KCNMA1: variants seen among roughly 807,000 people sequenced by gnomAD.
The protein encoded by KCNMA1 is potassium calcium-activated channel subfamily M alpha 1, also known as Calcium-activated potassium channel subunit alpha-1.
In KCNMA1, 29 loss-of-function variants were observed where a neutral mutation model predicts 140.0. The observed-to-expected ratio is 0.21, with a 90% CI of 0.15 to 0.28. KCNMA1 has a LOEUF of 0.28. KCNMA1 is among the 10% of genes least tolerant of loss of function. KCNMA1 has a pLI of 1.00. For synonymous variants in KCNMA1, 612 were observed against 611.9 expected, an observed-to-expected ratio of 1.00 and a Z score of 0.00; for missense variants, 880 against 1,602.2, an observed-to-expected ratio of 0.55 and a Z score of 7.70.
intron 1 of KCNMA1, among the ~76,000 whole-genome samples, chr10:77,426,530 G>A (rs989995568): frequency 1.3e-5 from 2 of 152,216 alleles, no homozygotes; most frequent in Non-Finnish European, 2.9e-5. Flanking sequence ...GACAGTCTGC[G>A]CTAGAGTTCG....
At chr10:77,008,274 A>G (rs2089706209) in intron 18 of KCNMA1, 1 of 1,410,090 alleles carries the variant, frequency 7.1e-7, no homozygotes, top group African/African-American at 1.4e-5. Context: ...AGATATGTCA[A>G]TGATTTGAAG....
At chr10:77,381,662 T>C (rs1391255084) in intron 2 of KCNMA1, among the ~76,000 whole-genome samples, 1 of 152,210 alleles carries the variant, frequency 6.6e-6, no homozygotes, top group Non-Finnish European at 1.5e-5. Flanking sequence ...CTACATTCCT[T>C]GGGGTTCCCA....
At chr10:77,159,190 T>C (rs2098526647) in intron 5 of KCNMA1, among the ~76,000 whole-genome samples, 1 of 152,176 alleles carries the variant, frequency 6.6e-6, no homozygotes, top group African/African-American at 2.4e-5. Context: ...AGAGCTCTAA[T>C]ACATTTTGAT....
intron 25 of KCNMA1, chr10:76,902,898 A>T (rs528025627): frequency 6.6e-6 from 1 of 152,370 alleles, no homozygotes; most frequent in South Asian, 2.1e-4. Context: ...GGGAGTTTAT[A>T]AAAAGAACCA....
At position 77,291,789 on chromosome 10, in the gene KCNMA1, G is replaced by T. The variant is rs1168774346; in HGVS notation, c.541-40533C>A. 3.3e-5 allele frequency among the ~76,000 whole-genome samples: 5 copies of T among 152,112 alleles called. No individual in the cohort carries two copies. The South Asian group carries it at 1.0e-3, about 32-fold the overall frequency. On this transcript the variant is annotated intron_variant, in intron 2 of 27. Coordinates refer to ENST00000286628, the MANE Select transcript of KCNMA1 (RefSeq NM_001161352.2). ...TCATATGTGCTGGTGCTTTACTTGG[G>T]CTGTTTATTTCATTTTTTCATGTTC...
At chr10:77,123,383 C>T (rs997928377) in intron 5 of KCNMA1, among the ~76,000 whole-genome samples, 2 of 152,020 alleles carry the variant, frequency 1.3e-5, no homozygotes, top group African/African-American at 4.8e-5. Context: ...CATAAAGTTT[C>T]CAAAGAGGTT....
intron 1 of KCNMA1, among the ~76,000 whole-genome samples, chr10:77,595,865 T>C (rs2080789543): frequency 6.6e-6 from 1 of 152,172 alleles, no homozygotes; most frequent in Admixed American, 6.5e-5. Flanking sequence ...TTGGCCAGGC[T>C]GGTCTCGAAC....
intron 1 of KCNMA1, among the ~76,000 whole-genome samples, chr10:77,487,929 A>G (rs764017843): frequency 6.6e-6 from 1 of 152,204 alleles, no homozygotes; most frequent in Non-Finnish European, 1.5e-5. Flanking sequence ...AAGGCCATCC[A>G]GGTGATGCTA....
At chr10:77,469,278 T>C (rs2098101877) in intron 1 of KCNMA1, among the ~76,000 whole-genome samples, 1 of 152,134 alleles carries the variant, frequency 6.6e-6, no homozygotes, top group African/African-American at 2.4e-5. Context: ...ATTACAGAAA[T>C]TAGAAGCCTC....
intron 1 of KCNMA1, among the ~76,000 whole-genome samples, chr10:77,511,950 C>T (rs1794510338): frequency 6.6e-6 from 1 of 152,198 alleles, no homozygotes; most frequent in South Asian, 2.1e-4. Context: ...GAGAATGGAA[C>T]TTGGGCTGAT....
intron 1 of KCNMA1, among the ~76,000 whole-genome samples, chr10:77,405,104 G>T (rs945284652): frequency 2.6e-5 from 4 of 152,122 alleles, no homozygotes; most frequent in Non-Finnish European, 5.9e-5. Context: ...CCACACAGGG[G>T]CCGAAACTGT....
chr10:77,079,390 G>GTGTA (rs1555210665), intron 13 of KCNMA1, 91 bp downstream of exon 13: 3 of 764,724 alleles, frequency 3.9e-6, no homozygotes, highest in Non-Finnish European at 7.2e-6. Flanking sequence ...GTGTGTGTGT[G>GTGTA]TGTGTGTGTG....
intron 12 of KCNMA1, among the ~76,000 whole-genome samples, chr10:77,083,957 T>G (rs1406005805): frequency 6.6e-6 from 1 of 152,140 alleles, no homozygotes; most frequent in African/African-American, 2.4e-5. Context: ...TTAAAAGCAC[T>G]GAAAAGCCTT....
At chr10:77,286,452 G>C (rs1004763302) in intron 2 of KCNMA1, among the ~76,000 whole-genome samples, 1 of 152,114 alleles carries the variant, frequency 6.6e-6, no homozygotes, top group African/African-American at 2.4e-5. Flanking sequence ...GCTGGGTCAG[G>C]CCACCACCTA....
At chr10:77,233,481 G>A (rs1469090290) in intron 3 of KCNMA1, among the ~76,000 whole-genome samples, 1 of 152,158 alleles carries the variant, frequency 6.6e-6, no homozygotes, top group Non-Finnish European at 1.5e-5. Context: ...AAACTGTAGG[G>A]AGCCAAAGGC....
chr10:77,008,772 G>A (rs1313390054), intron 18 of KCNMA1, among the ~76,000 whole-genome samples: 1 of 152,184 alleles, frequency 6.6e-6, no homozygotes, highest in Non-Finnish European at 1.5e-5. Context: ...GGACTAACAC[G>A]TTTGGACAGA....
intron 14 of KCNMA1, among the ~76,000 whole-genome samples, chr10:77,042,405 T>C (rs969009941): frequency 2.6e-5 from 4 of 152,186 alleles, no homozygotes; most frequent in Non-Finnish European, 4.4e-5. Context: ...ATAGAATATT[T>C]GGGAAACAGT....
chr10:76,925,249 T>A (rs1204436181), intron 23 of KCNMA1, among the ~76,000 whole-genome samples: 1 of 152,238 alleles, frequency 6.6e-6, no homozygotes, highest in Non-Finnish European at 1.5e-5. Context: ...AATTTCAATA[T>A]GGCACAGCTT....
At chr10:77,451,618 A>G (rs2097661802) in intron 1 of KCNMA1, among the ~76,000 whole-genome samples, 1 of 152,132 alleles carries the variant, frequency 6.6e-6, no homozygotes, top group South Asian at 2.1e-4. Context: ...TCACAAACTG[A>G]GTTTGAAGTC....
Sources: gnomAD v4.1 joint callset for allele counts (sites outside exome capture counted in the v4.1 genomes callset) on GRCh38, gnomAD v4.1.1 for gene constraint, MANE v1.5 for transcripts, NCBI Gene and HGNC (gene_info 2026-07-23, HGNC 2026-07-21) for gene names.